Variants in SLC14A2 observed in about 807,000 individuals in gnomAD.
SLC14A2 encodes solute carrier family 14 member 2.
In SLC14A2, 91 loss-of-function variants were observed where a neutral mutation model predicts 104.6. The observed-to-expected ratio is 0.87, with a 90% CI of 0.73 to 1.04. SLC14A2 has a LOEUF of 1.04. SLC14A2 is among the 50% of genes least tolerant of loss of function. The probability of loss-of-function intolerance (pLI) is 0.00; values close to 1 mark genes in which losing one functional copy is unlikely to be tolerated. For missense variants in SLC14A2, 1,189 were observed against 1,156.0 expected (o/e 1.03, Z -0.41); for synonymous variants, 476 against 466.4 (o/e 1.02, Z -0.27).
At chr18:45,587,055 G>A (rs985064649) in intron 2 of SLC14A2, among the ~76,000 whole-genome samples, 3 of 151,826 alleles carry the variant, frequency 2.0e-5, no homozygotes, top group Non-Finnish European at 4.4e-5. Flanking sequence ...TTGTGCGATC[G>A]CAGCTCACTC....
At chr18:45,290,230 A>G (rs1172038425) in intron 1 of SLC14A2, among the ~76,000 whole-genome samples, 1 of 152,156 alleles carries the variant, frequency 6.6e-6, no homozygotes, top group Non-Finnish European at 1.5e-5. Flanking sequence ...ATGGTACCCA[A>G]TAGGTAGTTT....
intron 1 of SLC14A2, among the ~76,000 whole-genome samples, chr18:45,240,091 C>CTTTTTTTT (rs763802776): frequency 3.3e-5 from 3 of 89,652 alleles, no homozygotes; most frequent in Non-Finnish European, 6.1e-5. Context: ...GCAAATATCT[C>CTTTTTTTT]TTTTTTTTTT....
chr18:45,309,713 A>G (rs1360348727), intron 1 of SLC14A2, among the ~76,000 whole-genome samples: 1 of 152,198 alleles, frequency 6.6e-6, no homozygotes, highest in Non-Finnish European at 1.5e-5. Context: ...TTTTAAGTGA[A>G]CTACCTCAGA....
intron 1 of SLC14A2, among the ~76,000 whole-genome samples, chr18:45,446,599 G>A (rs2086773967): frequency 6.6e-6 from 1 of 152,186 alleles, no homozygotes; most frequent in East Asian, 1.9e-4. Flanking sequence ...ATGAAAAGCA[G>A]ATCTATCTAT....
At chr18:45,614,133 AG>A (rs2045020552), upstream of SLC14A2, among the ~76,000 whole-genome samples, 1 of 152,232 alleles carries the variant, frequency 6.6e-6, no homozygotes, top group African/African-American at 2.4e-5. Flanking sequence ...CATGGCTAAA[AG>A]GGGCCAGTGT....
intron 17 of SLC14A2, 104 bp downstream of exon 17, chr18:45,673,151 T>G: frequency 8.9e-7 from 1 of 1,126,630 alleles, no homozygotes; most frequent in Non-Finnish European, 1.3e-6. Flanking sequence ...CTGATTCCTG[T>G]GAACTTTCCC....
intron 1 of SLC14A2, among the ~76,000 whole-genome samples, chr18:45,337,782 G>T (rs1439038630): frequency 6.6e-6 from 1 of 152,158 alleles, no homozygotes; most frequent in African/African-American, 2.4e-5. Flanking sequence ...GACCCTGAAA[G>T]AAATCAAAAT....
chr18:45,220,012 T>G (rs1279134564), intron 1 of SLC14A2, among the ~76,000 whole-genome samples: 1 of 152,238 alleles, frequency 6.6e-6, no homozygotes, highest in African/African-American at 2.4e-5. Context: ...AGATTTTCTG[T>G]CGGAAGTTAA....
At chr18:45,596,680 T>C (rs188734755) in intron 2 of SLC14A2, among the ~76,000 whole-genome samples, 3 of 152,372 alleles carry the variant, frequency 2.0e-5, no homozygotes, top group Admixed American at 6.5e-5. Flanking sequence ...AAGAAAGCTT[T>C]GGTGCTACTT....
At chr18:45,249,365 G>A (rs1045016423) in intron 1 of SLC14A2, among the ~76,000 whole-genome samples, 1 of 150,932 alleles carries the variant, frequency 6.6e-6, no homozygotes, top group Non-Finnish European at 1.5e-5. Context: ...TGTGTGTGCT[G>A]AACATGCGTT....
At chr18:45,485,041 A>G (rs1227074779) in intron 2 of SLC14A2, 7 of 152,220 alleles carry the variant, frequency 4.6e-5, no homozygotes, top group Non-Finnish European at 7.3e-5. Flanking sequence ...CAAAGATAAA[A>G]TCATAACATC....
intron 2 of SLC14A2, among the ~76,000 whole-genome samples, chr18:45,577,536 G>A (rs1412169180): frequency 1.3e-5 from 2 of 152,012 alleles, no homozygotes; most frequent in African/African-American, 4.8e-5. Context: ...GTGATTAATG[G>A]GCCCCTTTCC....
intron 1 of SLC14A2, among the ~76,000 whole-genome samples, chr18:45,416,434 A>G (rs932376624): frequency 2.0e-5 from 3 of 151,986 alleles, no homozygotes; most frequent in Non-Finnish European, 4.4e-5. Flanking sequence ...AAACAGCAGG[A>G]TTTTTCTGAA....
intron 2 of SLC14A2, among the ~76,000 whole-genome samples, chr18:45,574,470 A>G (rs28757689): frequency 0.012 from 1,831 of 152,118 alleles, 39 homozygotes; most frequent in African/African-American, 0.042. Flanking sequence ...AAGCAGTACC[A>G]CCCTACAAAA....
At chr18:45,678,153 ACC>A (rs2046256626) in intron 18 of SLC14A2, among the ~76,000 whole-genome samples, 1 of 152,024 alleles carries the variant, frequency 6.6e-6, no homozygotes, top group South Asian at 2.1e-4. Context: ...CTACTCTTCC[ACC>A]TTGAATCTCC....
intron 1 of SLC14A2, among the ~76,000 whole-genome samples, chr18:45,432,578 G>T (rs2086533903): frequency 6.6e-6 from 1 of 152,102 alleles, no homozygotes; most frequent in African/African-American, 2.4e-5. Flanking sequence ...GAGCCCAAGA[G>T]AAGTCACCAA....
At chr18:45,331,306 A>G (rs554344953) in intron 1 of SLC14A2, among the ~76,000 whole-genome samples, 6 of 152,244 alleles carry the variant, frequency 3.9e-5, no homozygotes, top group Admixed American at 6.5e-5. Context: ...AAAAATTTTG[A>G]CAAGCAGCAT....
chr18:45,583,789 A>C (rs950190953), intron 2 of SLC14A2, among the ~76,000 whole-genome samples: 1 of 152,156 alleles, frequency 6.6e-6, no homozygotes, highest in African/African-American at 2.4e-5. Context: ...AAAAACACCC[A>C]CTGTGGTTGA....
intron 1 of SLC14A2, among the ~76,000 whole-genome samples, chr18:45,276,656 C>T (rs2084705955): frequency 6.6e-6 from 1 of 152,100 alleles, no homozygotes; most frequent in Non-Finnish European, 1.5e-5. Context: ...AGTTAGAATA[C>T]AATTTGGAAC....
Sources: allele counts gnomAD v4.1 joint callset (sites outside exome capture counted in the v4.1 genomes callset), GRCh38; gene constraint gnomAD v4.1.1; transcripts MANE v1.5; gene names NCBI Gene and HGNC (gene_info 2026-07-23, HGNC 2026-07-21).